RILPL1: variants seen among roughly 807,000 people sequenced by gnomAD.
The protein encoded by RILPL1 is RILP-like protein 1.
In RILPL1, 33 loss-of-function variants were observed where a neutral mutation model predicts 50.3. The observed-to-expected ratio is 0.66, with a 90% CI of 0.50 to 0.88. The LOEUF is 0.88. Among genes scored for constraint, RILPL1 ranks in the 40% least tolerant of loss-of-function variants. The pLI, the probability that RILPL1 is intolerant of heterozygous loss-of-function variation, is 0.00. For missense variants in RILPL1, 418 were observed against 542.5 expected, an observed-to-expected ratio of 0.77 and a Z score of 2.28; for synonymous variants, 205 against 228.6, an observed-to-expected ratio of 0.90 and a Z score of 0.93.
In RILPL1 at chr12:123,498,379, G is replaced by A. The variant is rs923849507; in HGVS notation, c.801+165C>T. On this transcript the variant is annotated intron_variant, in intron 4 of 6. Coordinates refer to ENST00000376874, the MANE Select transcript of RILPL1 (RefSeq NM_178314.5). The surrounding 1 kb of genome is among the most constrained non-coding windows in gnomAD (Gnocchi z 4.3). Reference sequence around the variant, plus strand: ...GTACTACAGGTGTGCACCACCACGCGTGGCTAATTAAAAAAAATGTTTGTA... The same window carrying A: ...GTACTACAGGTGTGCACCACCACGCATGGCTAATTAAAAAAAATGTTTGTA... 2.6e-5 allele frequency among the ~76,000 whole-genome samples: 4 copies of A among 152,006 alleles called. No homozygotes were observed. The highest frequency in any genetic ancestry group is 2.1e-4 in the South Asian group (1 of 4,822).
intron 6 of RILPL1, among the ~76,000 whole-genome samples, chr12:123,481,105 C>T (rs1370371101): frequency 6.6e-6 from 1 of 152,112 alleles, no homozygotes; most frequent in African/African-American, 2.4e-5. Flanking sequence ...GCCTGTAATC[C>T]CAGCACTTTG....
At position 123,491,045 on chromosome 12, in the gene RILPL1, C is replaced by T. The variant is rs1194115975; in HGVS notation, c.802-5240G>A. 1.3e-5 allele frequency among the ~76,000 whole-genome samples: 2 copies of T among 152,320 alleles called. No homozygotes were observed. Among genetic ancestry groups the T allele is most frequent in the Admixed American group, 6.5e-5 (1 of 15,296 alleles). On this transcript the variant is annotated intron_variant, in intron 4 of 6. Transcript: ENST00000376874. This position sits in a 1 kb window ranked among gnomAD's most constrained non-coding sequence, Gnocchi z 4.0. ...GATTACAGGCGTGAGCCACCATGCC[C>T]GCCCTGACTTCTAATACTATTGCCT...
chr12:123,528,434 T>C (rs111795621), intron 1 of RILPL1, among the ~76,000 whole-genome samples: 1,797 of 34,966 alleles, frequency 0.051, 15 homozygotes, highest in South Asian at 0.2. Context: ...TTGTTGTTTG[T>C]TTTTTTTTTT....
chr12:123,481,804 G>A (rs1398953375), intron 6 of RILPL1, among the ~76,000 whole-genome samples: 3 of 151,824 alleles, frequency 2.0e-5, no homozygotes, highest in Non-Finnish European at 2.9e-5. Context: ...TGATCCACTC[G>A]CCTCGGCCTC....
At position 123,485,694 on chromosome 12, in the gene RILPL1, C is replaced by G. The variant is rs947813611; in HGVS notation, c.913G>C (p.Glu305Gln). The G allele has an allele frequency of 6.2e-7, 1 of 1,613,752 alleles. No homozygotes were observed. Among genetic ancestry groups the G allele is most frequent in the Non-Finnish European group, 8.5e-7 (1 of 1,179,782 alleles). ...TLQELRDVLH[E>Q]RNELKSKVFL... ...ACCTTGGACTTGAGCTCGTTCCTCT[C>G]GTGCAGCACGTCCCGCAGCTCCTGC... is the stretch of plus-strand genomic sequence containing the variant. Residue 305 changes from glutamate to glutamine, a missense_variant, in exon 5 of 7, where the codon GAG (glutamate) becomes CAG (glutamine). Coordinates refer to ENST00000376874, the MANE Select transcript of RILPL1 (RefSeq NM_178314.5). The surrounding 1 kb of genome is among the most constrained non-coding windows in gnomAD (Gnocchi z 4.0).
At chr12:123,529,683 G>GTT (rs1885382456) in intron 1 of RILPL1, among the ~76,000 whole-genome samples, 1 of 151,598 alleles carries the variant, frequency 6.6e-6, no homozygotes, top group African/African-American at 2.4e-5. Flanking sequence ...GAGCCCAAAA[G>GTT]CTCAAGACTA....
Position 123,511,206 on chromosome 12 carries a change from GTA to G in RILPL1, c.461-11672_461-11671del, listed in dbSNP as rs201811965. On this transcript the variant is annotated intron_variant, in intron 2 of 6. Coordinates refer to ENST00000376874, the MANE Select transcript of RILPL1 (RefSeq NM_178314.5). ...TGTGTGTGTGTGGTGTGTGAGGTCT[GTA>G]TGTGTGTGTGTGGTGTGTCTGAGGT... 2.0e-3 allele frequency among the ~76,000 whole-genome samples: 266 copies of G among 130,434 alleles called. 2 individuals carry two copies. Among genetic ancestry groups the G allele is most frequent in the African/African-American group, 6.9e-3 (236 of 34,146 alleles). The allele number at this position is 130,434 out of a possible 152,430, so 85.6% of individuals were successfully genotyped here.
intron 5 of RILPL1, chr12:123,484,797 C>T (rs1334241969): frequency 8.1e-6 from 2 of 248,446 alleles, no homozygotes; most frequent in East Asian, 1.8e-4. Flanking sequence ...GCTGGGACTA[C>T]AGGGTGAGCC....
chr12:123,495,815 G>A (rs1192930481), intron 4 of RILPL1, among the ~76,000 whole-genome samples: 1 of 151,188 alleles, frequency 6.6e-6, no homozygotes, highest in Non-Finnish European at 1.5e-5. Flanking sequence ...CGAGTAGCTG[G>A]GACTACAGGC....
At chr12:123,531,132 C>T (rs1243892988) in intron 1 of RILPL1, among the ~76,000 whole-genome samples, 3 of 147,412 alleles carry the variant, frequency 2.0e-5, no homozygotes, top group African/African-American at 5.0e-5. Flanking sequence ...AAAAAAAAAT[C>T]ATACAAGTCT....
Position 123,499,410 on chromosome 12 carries a change from T to G in RILPL1, c.579+8A>C, listed in dbSNP as rs1267253318. On this transcript the variant is annotated splice_region_variant and intron_variant, in intron 3 of 6. Coordinates refer to ENST00000376874, the MANE Select transcript of RILPL1 (RefSeq NM_178314.5). ...AGGGTGGACGCAGGTCAGGGGTGTGTCACTCACAGCCTCAACGTCCTCATT... is the reference window on the plus strand; with the variant it reads ...AGGGTGGACGCAGGTCAGGGGTGTGGCACTCACAGCCTCAACGTCCTCATT... 8.7e-6 allele frequency: 14 copies of G among 1,603,946 alleles called. No homozygotes were observed. The highest frequency in any genetic ancestry group is 1.2e-5 in the Non-Finnish European group (14 of 1,170,892).
At chr12:123,512,154 T>G (rs1593586595) in intron 2 of RILPL1, among the ~76,000 whole-genome samples, 1 of 121,272 alleles carries the variant, frequency 8.2e-6, no homozygotes, top group Non-Finnish European at 1.7e-5. Context: ...TCTGTGTGTG[T>G]GGTGTGTGAG....
At position 123,523,642 on chromosome 12, in the gene RILPL1, G is replaced by A. The variant is rs764161756; in HGVS notation, c.313C>T (p.Leu105=). The change falls in exon 2 of 7, where the codon CTG becomes TTG. Residue 105 remains leucine (L), a synonymous_variant. Transcript: ENST00000376874. ...CGCCACACATCCTCCACCAGCTCCA[G>A]CTCCTGCCAAGGCAAGGGGACAGCA... ...IEKERKHQKE[L]ELVEDVWRGE... is the part of the protein sequence containing the mutation. 4 of 1,613,018 alleles carry A rather than the reference G, an allele frequency of 2.5e-6. No homozygotes were observed. Among genetic ancestry groups the A allele is most frequent in the Admixed American group, 3.3e-5 (2 of 59,936 alleles).
At chr12:123,516,028 T>C (rs1447833986) in intron 2 of RILPL1, among the ~76,000 whole-genome samples, 2 of 71,982 alleles carry the variant, frequency 2.8e-5, no homozygotes, top group East Asian at 2.3e-4. Flanking sequence ...AGCGAGACTC[T>C]GTCTCAAAAA....
chr12:123,470,378 TG>T lies in RILPL1; in HGVS notation c.*2159del, dbSNP rs1426318455. ...GTACCAGCTACTTGGGAGGCTGAGGTGGGAGGATTGCTTGAGCCCAGGGGTT... is the reference window on the plus strand; with the variant it reads ...GTACCAGCTACTTGGGAGGCTGAGGTGGAGGATTGCTTGAGCCCAGGGGTT... On this transcript the variant is annotated 3_prime_UTR_variant, in exon 7 of 7. Coordinates refer to ENST00000376874, the MANE Select transcript of RILPL1 (RefSeq NM_178314.5). 7.5e-6 allele frequency: 1 copy of T among 133,406 alleles called. No homozygotes were observed. The highest frequency in any genetic ancestry group is 1.6e-5 in the Non-Finnish European group (1 of 63,308). The allele number at this position is 133,406 out of a possible 1,614,324, so 8.3% of individuals were successfully genotyped here.
At chr12:123,500,056 T>C (rs1294694592) in intron 2 of RILPL1, among the ~76,000 whole-genome samples, 4 of 150,794 alleles carry the variant, frequency 2.7e-5, no homozygotes, top group Non-Finnish European at 4.4e-5. Flanking sequence ...CTCAGCCTCC[T>C]GAGTAGCTGG....
chr12:123,499,398 G>A lies in RILPL1; in HGVS notation c.579+20C>T. Reference sequence around the variant, plus strand: ...CTACTGGCTGGGAGGGTGGACGCAGGTCAGGGGTGTGTCACTCACAGCCTC... The same window carrying A: ...CTACTGGCTGGGAGGGTGGACGCAGATCAGGGGTGTGTCACTCACAGCCTC... On this transcript the variant is annotated intron_variant, in intron 3 of 6. Coordinates refer to ENST00000376874, the MANE Select transcript of RILPL1 (RefSeq NM_178314.5). 1.3e-6 allele frequency: 2 copies of A among 1,573,504 alleles called. No homozygotes were observed. Among genetic ancestry groups the A allele is most frequent in the South Asian group, 1.1e-5 (1 of 90,304 alleles).
At position 123,489,042 on chromosome 12, in the gene RILPL1, C is replaced by T. The variant is rs955587927; in HGVS notation, c.802-3237G>A. Among the ~76,000 whole-genome samples the T allele has an allele frequency of 1.3e-5, 2 of 152,140 alleles. No homozygotes were observed. Among genetic ancestry groups the T allele is most frequent in the African/African-American group, 2.4e-5 (1 of 41,426 alleles). ...ACCCAAGACCACATACAACAGGTGACGGATATGCGGCCGGCATTCAATCGC... is the reference window on the plus strand; with the variant it reads ...ACCCAAGACCACATACAACAGGTGATGGATATGCGGCCGGCATTCAATCGC... On this transcript the variant is annotated intron_variant, in intron 4 of 6. Transcript: ENST00000376874. The surrounding 1 kb of genome is among the most constrained non-coding windows in gnomAD (Gnocchi z 4.0).
intron 1 of RILPL1, among the ~76,000 whole-genome samples, chr12:123,530,437 G>A (rs1453476557): frequency 1.3e-5 from 2 of 152,186 alleles, no homozygotes; most frequent in East Asian, 3.8e-4. Context: ...AAAGTGCTGG[G>A]ATTACAGGTG....
Sources: gnomAD v4.1 joint callset for allele counts (sites outside exome capture counted in the v4.1 genomes callset) on GRCh38, gnomAD v4.1.1 for gene constraint, Gnocchi (gnomAD v3.1) non-coding constraint, MANE v1.5 for transcripts, NCBI Gene and HGNC (gene_info 2026-07-23, HGNC 2026-07-21) for gene names.